The following CNTNAP4 variants were observed in gnomAD, a reference collection of about 807,000 sequenced individuals.
The protein encoded by CNTNAP4 is contactin associated protein family member 4.
CNTNAP4 carries 98 observed loss-of-function variants against 148.4 expected under a neutral mutation model. The observed-to-expected ratio is 0.66, with a 90% CI of 0.56 to 0.78. CNTNAP4 has a LOEUF of 0.78. CNTNAP4 is among the 30% of genes least tolerant of loss of function. CNTNAP4 has a pLI of 0.00. For missense variants in CNTNAP4, 1,935 were observed against 1,565.6 expected (o/e 1.24, Z -3.98); for synonymous variants, 730 against 565.1 (o/e 1.29, Z -4.14).
chr16:76,530,843 C>T (rs932959267), intron 17 of CNTNAP4, among the ~76,000 whole-genome samples: 7 of 152,204 alleles, frequency 4.6e-5, no homozygotes, highest in African/African-American at 1.7e-4. Context: ...TGTTAACCAA[C>T]AGCACTATTT....
intron 3 of CNTNAP4, among the ~76,000 whole-genome samples, chr16:76,367,885 A>C (rs2014345621): frequency 6.6e-6 from 1 of 152,182 alleles, no homozygotes; most frequent in Non-Finnish European, 1.5e-5. Flanking sequence ...TCTCCAATGT[A>C]GCTGGTATCT....
chr16:76,376,381 G>A (rs895517313), intron 3 of CNTNAP4, among the ~76,000 whole-genome samples: 8 of 152,150 alleles, frequency 5.3e-5, no homozygotes, highest in African/African-American at 1.7e-4. Flanking sequence ...AAGGCCATTC[G>A]AGAGCGTATG....
chr16:76,439,061 T>A (rs2145131494), intron 4 of CNTNAP4, among the ~76,000 whole-genome samples: 1 of 152,278 alleles, frequency 6.6e-6, no homozygotes, highest in South Asian at 2.1e-4. Context: ...TAATGTGTAA[T>A]ATGTCTGTAC....
At chr16:76,370,839 AT>A (rs1380493998) in intron 3 of CNTNAP4, among the ~76,000 whole-genome samples, 2 of 152,180 alleles carry the variant, frequency 1.3e-5, no homozygotes, top group African/African-American at 4.8e-5. Context: ...ATAGATCAAT[AT>A]TTTGATACTG....
At chr16:76,288,389 C>A (rs1958974962) in intron 1 of CNTNAP4, among the ~76,000 whole-genome samples, 2 of 152,124 alleles carry the variant, frequency 1.3e-5, no homozygotes, top group Admixed American at 1.3e-4. Context: ...CTTCTTCAAT[C>A]CTGGTGTCCC....
chr16:76,284,919 CT>C (rs1291063302), intron 1 of CNTNAP4, among the ~76,000 whole-genome samples: 1 of 151,996 alleles, frequency 6.6e-6, no homozygotes, highest in African/African-American at 2.4e-5. Flanking sequence ...AGCAAAGATA[CT>C]TTTGTTTCTT....
At chr16:76,461,851 G>A in intron 8 of CNTNAP4, 105 bp from the exon 9 acceptor site, 1 of 894,038 alleles carries the variant, frequency 1.1e-6, no homozygotes, top group Non-Finnish European at 1.8e-6. Context: ...TAATAATAGA[G>A]TTAAGTACTG....
At chr16:76,421,715 C>T (rs764546597) in intron 3 of CNTNAP4, among the ~76,000 whole-genome samples, 1 of 152,198 alleles carries the variant, frequency 6.6e-6, no homozygotes, top group Middle Eastern at 3.4e-3. Flanking sequence ...ATGAATTGTA[C>T]TTGAAAATAG....
chr16:76,291,373 T>G (rs1959108336), intron 1 of CNTNAP4, among the ~76,000 whole-genome samples: 1 of 152,158 alleles, frequency 6.6e-6, no homozygotes, highest in African/African-American at 2.4e-5. Flanking sequence ...CTGGTGGACA[T>G]GGGGGTACCA....
At chr16:76,464,322 G>C (rs755147329) in intron 9 of CNTNAP4, among the ~76,000 whole-genome samples, 1 of 152,156 alleles carries the variant, frequency 6.6e-6, no homozygotes, top group Non-Finnish European at 1.5e-5. Context: ...GGCTAAAGTA[G>C]GGTCCCTAAA....
At chr16:76,490,566 C>T (rs954739829) in intron 13 of CNTNAP4, among the ~76,000 whole-genome samples, 1 of 152,184 alleles carries the variant, frequency 6.6e-6, no homozygotes, top group Non-Finnish European at 1.5e-5. Context: ...TTCCAGCTGG[C>T]CTCCTAGCTT....
intron 18 of CNTNAP4, 125 bp from the exon 19 acceptor site, chr16:76,537,991 C>T (rs1048859498): frequency 8.3e-6 from 3 of 362,300 alleles, no homozygotes; most frequent in Non-Finnish European, 4.8e-6. Flanking sequence ...TTATTTGATT[C>T]TATTTTGGGG....
chr16:76,425,762 C>T (rs1264680433), intron 3 of CNTNAP4, among the ~76,000 whole-genome samples: 1 of 152,078 alleles, frequency 6.6e-6, no homozygotes. Context: ...GAGAACTGAA[C>T]CTGGCTTGTT....
At chr16:76,532,436 A>G (rs2084026134) in intron 17 of CNTNAP4, among the ~76,000 whole-genome samples, 1 of 152,166 alleles carries the variant, frequency 6.6e-6, no homozygotes, top group South Asian at 2.1e-4. Flanking sequence ...AAAAAATCAG[A>G]ACAGCTGGAA....
At chr16:76,477,454 A>G (rs2081630366) in intron 11 of CNTNAP4, among the ~76,000 whole-genome samples, 2 of 152,074 alleles carry the variant, frequency 1.3e-5, no homozygotes, top group East Asian at 3.9e-4. Flanking sequence ...ATTACACTAT[A>G]CACTGCATTG....
intron 2 of CNTNAP4, among the ~76,000 whole-genome samples, chr16:76,345,321 G>A (rs1964813313): frequency 6.6e-6 from 1 of 152,136 alleles, no homozygotes; most frequent in African/African-American, 2.4e-5. Context: ...GAATGGTTAG[G>A]TTACTGGGGA....
chr16:76,294,203 G>C (rs1328696310), intron 1 of CNTNAP4, among the ~76,000 whole-genome samples: 2 of 152,098 alleles, frequency 1.3e-5, no homozygotes, highest in African/African-American at 4.8e-5. Flanking sequence ...GCTATTCAGG[G>C]ACCCACAAGC....
intron 2 of CNTNAP4, among the ~76,000 whole-genome samples, chr16:76,347,302 T>A (rs902843810): frequency 2.0e-5 from 3 of 152,162 alleles, no homozygotes; most frequent in Non-Finnish European, 4.4e-5. Context: ...GACCATGTTA[T>A]ACCCACGTGA....
chr16:76,350,473 T>C (rs1965280787), intron 2 of CNTNAP4, among the ~76,000 whole-genome samples: 1 of 152,168 alleles, frequency 6.6e-6, no homozygotes, highest in Admixed American at 6.6e-5. Context: ...TAATTTTTAG[T>C]TTGCTTTTCT....
Sources: allele counts gnomAD v4.1 joint callset (sites outside exome capture counted in the v4.1 genomes callset), GRCh38; gene constraint gnomAD v4.1.1; transcripts MANE v1.5; gene names NCBI Gene and HGNC (gene_info 2026-07-23, HGNC 2026-07-21).